The following RFC5 variants were observed in gnomAD, a reference collection of about 807,000 sequenced individuals.
RFC5 encodes A1 36 kDa subunit.
A neutral mutation model predicts 44.3 loss-of-function variants in RFC5; 26 were observed. The ratio of observed to expected loss-of-function variants is 0.59; its 90% confidence interval spans 0.43 to 0.81. The LOEUF is 0.81. Among genes scored for constraint, RFC5 ranks in the 40% least tolerant of loss-of-function variants. The pLI is 0.00. For synonymous variants in RFC5, 155 were observed against 155.2 expected (o/e 1.00, Z 0.01); for missense variants, 328 against 418.6 (o/e 0.78, Z 1.89).
chr12:118,036,264 A>G, downstream of RFC5: 2 of 1,497,666 alleles, frequency 1.3e-6, no homozygotes, highest in Non-Finnish European at 1.8e-6. Context: ...ATTCTAAAAG[A>G]GACATGTCTA....
Position 118,019,836 on chromosome 12 carries a change from G to T in RFC5, c.267+68G>T. 1 of 1,339,114 alleles carries T rather than the reference G, an allele frequency of 7.5e-7. No individual in the cohort carries two copies. Among genetic ancestry groups the T allele is most frequent in the Non-Finnish European group, 1.0e-6 (1 of 961,578 alleles). The allele number at this position is 1,339,114 out of a possible 1,614,324, so 83.0% of individuals were successfully genotyped here. A position where few individuals can be genotyped will look rare whatever the true frequency, so the allele number is the denominator to read the frequency against. The stretch of plus-strand genomic sequence containing the variant: ...CCAGTCTCTTAATTTCAGTTCTGCT[G>T]GTTTTATTTTACTTTAAAAGTAAGT... On this transcript the variant is annotated intron_variant, in intron 3 of 10. Transcript: ENST00000454402. This position sits in a 1 kb window ranked among gnomAD's most constrained non-coding sequence, Gnocchi z 4.2.
At chr12:118,036,893 T>G (rs73410744), downstream of RFC5, among the ~76,000 whole-genome samples, 47,140 of 152,046 alleles carry the variant, frequency 0.31, 8,095 homozygotes, top group East Asian at 0.55. Context: ...TAAAAATAAA[T>G]GTCAGCGGCC....
intron 3 of RFC5, among the ~76,000 whole-genome samples, chr12:118,020,689 C>T (rs2030424197): frequency 6.6e-6 from 1 of 152,170 alleles, no homozygotes; most frequent in Admixed American, 6.5e-5. Context: ...TTATGTCAGT[C>T]ATTGTCCTCA....
chr12:118,026,651 T>A (rs1444958456), intron 7 of RFC5, among the ~76,000 whole-genome samples: 11 of 152,216 alleles, frequency 7.2e-5, no homozygotes, highest in Non-Finnish European at 1.3e-4. Context: ...AGGAATCATT[T>A]GTTGCAAAGA....
chr12:118,035,074 G>A (rs144854804), downstream of RFC5: 4 of 1,614,218 alleles, frequency 2.5e-6, no homozygotes, highest in African/African-American at 1.3e-5. Flanking sequence ...TTCAGTTCCA[G>A]GGCCCAGATC....
chr12:118,034,048 C>T (rs1013689952), downstream of RFC5: 8 of 1,067,038 alleles, frequency 7.5e-6, no homozygotes, highest in African/African-American at 9.5e-5. Flanking sequence ...ATGACTAGTA[C>T]ACTGGAATCT....
chr12:118,032,717 A>T (rs2031389609), downstream of RFC5: 1 of 152,054 alleles, frequency 6.6e-6, no homozygotes, highest in African/African-American at 2.4e-5. Flanking sequence ...TTTATTTTTT[A>T]AATAAAGATT....
At chr12:118,033,223 T>C (rs1439079643), downstream of RFC5, 1 of 152,210 alleles carries the variant, frequency 6.6e-6, no homozygotes, top group Non-Finnish European at 1.5e-5. Flanking sequence ...CGCAGTAGAG[T>C]TGAAACCAGC....
At chr12:118,036,955 G>A (rs1746034099), downstream of RFC5, among the ~76,000 whole-genome samples, 1 of 152,140 alleles carries the variant, frequency 6.6e-6, no homozygotes, top group Non-Finnish European at 1.5e-5. Flanking sequence ...GCTGAGGTGG[G>A]TGGATCACAT....
At chr12:118,034,562 T>A, downstream of RFC5, 1 of 604,186 alleles carries the variant, frequency 1.7e-6, no homozygotes, top group Non-Finnish European at 2.8e-6. Flanking sequence ...AAGACACCTG[T>A]GATACCAAAG....
rs551160244 is a variant in RFC5 at position 118,023,949 on chromosome 12, G to A, written c.422-902G>A. On this transcript the variant is annotated intron_variant, in intron 5 of 10. Transcript: ENST00000454402. Reference sequence around the variant, plus strand: ...AGGGGTGGCTAGGCAGGGCGCAGTGGCTCACACCTGTAATCCCAGTACTTT... The same window carrying A: ...AGGGGTGGCTAGGCAGGGCGCAGTGACTCACACCTGTAATCCCAGTACTTT... 2.0e-5 allele frequency among the ~76,000 whole-genome samples: 3 copies of A among 152,218 alleles called. No homozygotes were observed. In the South Asian group the frequency reaches 6.2e-4, roughly 32 times the overall value.
At chr12:118,034,243 G>A (rs1329935548), downstream of RFC5, 2 of 1,614,212 alleles carry the variant, frequency 1.2e-6, no homozygotes, top group Non-Finnish European at 1.7e-6. Context: ...TTGGGGATTG[G>A]CAGTGCTAGG....
At chr12:118,021,524 G>A (rs12301293) in intron 4 of RFC5, among the ~76,000 whole-genome samples, 2 of 151,850 alleles carry the variant, frequency 1.3e-5, no homozygotes, top group African/African-American at 4.8e-5. Flanking sequence ...AAGTTCTTTA[G>A]GGAGCATTAA....
chr12:118,031,151 T>C, intron 10 of RFC5, 31 bp from the exon 11 acceptor site: 4 of 1,540,666 alleles, frequency 2.6e-6, no homozygotes, highest in Non-Finnish European at 3.6e-6. Flanking sequence ...TTTGGTGTCT[T>C]TTTTCTTACC....
chr12:118,030,485 A>G (rs1437979602), intron 10 of RFC5, among the ~76,000 whole-genome samples: 1 of 147,342 alleles, frequency 6.8e-6, no homozygotes, highest in Admixed American at 6.8e-5. Flanking sequence ...GTATCAGCCA[A>G]ACTTCCCGAT....
At chr12:118,022,242 A>G (rs2137702750) in intron 4 of RFC5, 44 bp from the exon 5 acceptor site, 1 of 1,457,544 alleles carries the variant, frequency 6.9e-7, no homozygotes, top group Non-Finnish European at 9.6e-7. Context: ...AGATGTTGAG[A>G]TGAGATTGAA....
intron 1 of RFC5, chr12:118,017,635 C>T: frequency 9.7e-7 from 1 of 1,026,068 alleles, no homozygotes; most frequent in Non-Finnish European, 1.2e-6. Context: ...TAAAAAAAAC[C>T]CAGAAGATTG....
chr12:118,023,333 C>T (rs946229867), intron 5 of RFC5, among the ~76,000 whole-genome samples: 3 of 147,090 alleles, frequency 2.0e-5, no homozygotes, highest in Non-Finnish European at 4.5e-5. Flanking sequence ...GAGAGAAGAA[C>T]GATCTTTAGG....
At chr12:118,021,188 C>T (rs536100193) in intron 4 of RFC5, among the ~76,000 whole-genome samples, 3 of 151,750 alleles carry the variant, frequency 2.0e-5, no homozygotes, top group Non-Finnish European at 1.5e-5. Flanking sequence ...ATGTTATCTA[C>T]GCTTGTATTA....
Sources: allele counts gnomAD v4.1 joint callset (sites outside exome capture counted in the v4.1 genomes callset), GRCh38; gene constraint gnomAD v4.1.1; non-coding constraint Gnocchi (gnomAD v3.1); transcripts MANE v1.5; gene names NCBI Gene and HGNC (gene_info 2026-07-23, HGNC 2026-07-21).